The following MAN1C1 variants were observed in gnomAD, a reference collection of about 807,000 sequenced individuals.
The protein encoded by MAN1C1 is mannosyl-oligosaccharide 1,2-alpha-mannosidase IC.
Under a neutral mutation model 71.5 loss-of-function variants are expected in MAN1C1, and 49 were observed. That is an observed-to-expected ratio of 0.69 (90% CI 0.54 to 0.87). MAN1C1 has a LOEUF of 0.87. Ranked by LOEUF, MAN1C1 falls within the 40% of genes least tolerant of loss-of-function variation. The pLI, the probability that MAN1C1 is intolerant of heterozygous loss-of-function variation, is 0.00. For synonymous variants in MAN1C1, 352 were observed against 343.7 expected, an observed-to-expected ratio of 1.02 and a Z score of -0.27; for missense variants, 743 against 835.0, an observed-to-expected ratio of 0.89 and a Z score of 1.36.
chr1:25,661,901 G>A (rs1480921563), intron 1 of MAN1C1, among the ~76,000 whole-genome samples: 1 of 152,172 alleles, frequency 6.6e-6, no homozygotes, highest in East Asian at 1.9e-4. Context: ...GGTGCTATAA[G>A]CTCTATAAAC....
At chr1:25,648,481 T>C (rs1158548871) in intron 1 of MAN1C1, among the ~76,000 whole-genome samples, 1 of 152,030 alleles carries the variant, frequency 6.6e-6, no homozygotes, top group East Asian at 1.9e-4. Flanking sequence ...ACCTGATTCT[T>C]ATGTAGGGTG....
chr1:25,663,704 T>G (rs2124108935), intron 1 of MAN1C1, among the ~76,000 whole-genome samples: 1 of 152,270 alleles, frequency 6.6e-6, no homozygotes, highest in South Asian at 2.1e-4. Flanking sequence ...AAAAAGTGTC[T>G]GGGTTTGCCA....
At chr1:25,763,139 A>G (rs2047382270) in intron 6 of MAN1C1, among the ~76,000 whole-genome samples, 1 of 152,128 alleles carries the variant, frequency 6.6e-6, no homozygotes, top group African/African-American at 2.4e-5. Flanking sequence ...GTGGTGGTGC[A>G]TGCCTGTAGT....
At chr1:25,673,189 T>C (rs532715406) in intron 1 of MAN1C1, among the ~76,000 whole-genome samples, 23 of 152,294 alleles carry the variant, frequency 1.5e-4, no homozygotes, top group African/African-American at 5.3e-4. Flanking sequence ...TGTCTCCCGA[T>C]GCAGGGAAGA....
intron 1 of MAN1C1, among the ~76,000 whole-genome samples, chr1:25,679,950 AATATATAT>A (rs71576063): frequency 3.4e-5 from 4 of 117,262 alleles, no homozygotes; most frequent in Admixed American, 8.4e-5. Flanking sequence ...AAAAAAAAAA[AATATATAT>A]ATATATATAT....
chr1:25,746,855 C>A lies in MAN1C1; in HGVS notation c.753+72C>A. On this transcript the variant is annotated intron_variant, in intron 3 of 11. Coordinates refer to ENST00000374332, the MANE Select transcript of MAN1C1 (RefSeq NM_020379.4). The surrounding 1 kb of genome is among the most constrained non-coding windows in gnomAD (Gnocchi z 4.0). ...GGCCCAACAGCCAGCTTCACCCTGT[C>A]ATCTCTGAGACCCAGAGATGTTGAG... 2.0e-6 allele frequency: 2 copies of A among 1,020,706 alleles called. No homozygotes were observed. Among genetic ancestry groups the A allele is most frequent in the South Asian group, 1.5e-5 (1 of 65,960 alleles). The allele number at this position is 1,020,706 out of a possible 1,614,324, so 63.2% of individuals were successfully genotyped here. A position where few individuals can be genotyped will look rare whatever the true frequency, so the allele number is the denominator to read the frequency against.
chr1:25,759,242 T>A (rs1173793146), intron 6 of MAN1C1: 2 of 166,012 alleles, frequency 1.2e-5, no homozygotes, highest in Non-Finnish European at 2.7e-5. Context: ...CATGGGGAGC[T>A]TAGAACACCA....
intron 2 of MAN1C1, among the ~76,000 whole-genome samples, chr1:25,736,061 GTGTC>G (rs1233024848): frequency 6.6e-6 from 1 of 152,226 alleles, no homozygotes; most frequent in Non-Finnish European, 1.5e-5. Context: ...AAGGGTCTCT[GTGTC>G]TGCTGTTAGG....
At chr1:25,702,345 C>A (rs1215966501) in intron 2 of MAN1C1, among the ~76,000 whole-genome samples, 1 of 152,202 alleles carries the variant, frequency 6.6e-6, no homozygotes, top group East Asian at 1.9e-4. Context: ...TCGCCCAGAT[C>A]CAGATGTAAG....
intron 1 of MAN1C1, among the ~76,000 whole-genome samples, chr1:25,656,377 C>T (rs1192168311): frequency 1.3e-5 from 2 of 152,072 alleles, no homozygotes; most frequent in Non-Finnish European, 2.9e-5. Flanking sequence ...AAATTACAGG[C>T]ATCAGTCACT....
At chr1:25,777,838 A>G (rs1357314580) in intron 8 of MAN1C1, among the ~76,000 whole-genome samples, 1 of 152,114 alleles carries the variant, frequency 6.6e-6, no homozygotes, top group African/African-American at 2.4e-5. Flanking sequence ...AACGTTTTTT[A>G]AAACATGGAA....
rs754491802 is a variant in MAN1C1, at chr1:25,768,644, T to TC, written c.1142-3008dup. Among the ~76,000 whole-genome samples the TC allele has an allele frequency of 9.7e-4, 49 of 50,390 alleles. 4 individuals carry two copies. Among genetic ancestry groups the TC allele is most frequent in the Admixed American group, 1.7e-3 (6 of 3,496 alleles). 33.1% of individuals were successfully genotyped at this position (50,390 alleles called of 152,430 possible). On this transcript the variant is annotated intron_variant, in intron 7 of 11. Coordinates refer to ENST00000374332, the MANE Select transcript of MAN1C1 (RefSeq NM_020379.4). ...TCCCCTCACACACACAATTACACAC[T>TC]CCCCCACACACACAGACCCACACAC...
chr1:25,763,093 C>T (rs2047381782), intron 6 of MAN1C1, among the ~76,000 whole-genome samples: 1 of 152,110 alleles, frequency 6.6e-6, no homozygotes. Context: ...CATGGCGAAA[C>T]CCCATCTCTA....
At chr1:25,635,438 C>CTTT (rs747915977) in intron 1 of MAN1C1, among the ~76,000 whole-genome samples, 2 of 131,504 alleles carry the variant, frequency 1.5e-5, no homozygotes, top group Non-Finnish European at 3.3e-5. Context: ...TTCTTTCTTT[C>CTTT]TTTTTTTTTT....
chr1:25,660,115 T>C (rs1351982978), intron 1 of MAN1C1, among the ~76,000 whole-genome samples: 1 of 152,180 alleles, frequency 6.6e-6, no homozygotes. Flanking sequence ...TAAGTGTTTA[T>C]ATATGGCCCA....
intron 2 of MAN1C1, among the ~76,000 whole-genome samples, chr1:25,699,240 C>T (rs1415043435): frequency 4.0e-5 from 6 of 149,956 alleles, no homozygotes; most frequent in Admixed American, 6.7e-5. Context: ...GTCGAGATTG[C>T]GGTGAGCTGA....
In MAN1C1 at chr1:25,651,456, AT is replaced by A. The variant is rs2045691552; in HGVS notation, c.540+33121del. 4.6e-5 allele frequency among the ~76,000 whole-genome samples: 7 copies of A among 152,296 alleles called. No individual in the cohort carries two copies. In the South Asian group the frequency reaches 1.4e-3, roughly 32 times the overall value. On this transcript the variant is annotated intron_variant, in intron 1 of 11. Transcript: ENST00000374332. The stretch of plus-strand genomic sequence containing the variant: ...ATGAGTGGGATGGACTCCTGTTTCC[AT>A]TCTGCCCTGGTCATGTGTGACAGGC...
chr1:25,666,563 CCTT>C (rs1327203458), intron 1 of MAN1C1, among the ~76,000 whole-genome samples: 2 of 152,158 alleles, frequency 1.3e-5, no homozygotes, highest in Non-Finnish European at 2.9e-5. Context: ...AAGCCATCCT[CCTT>C]AGAAAAGGCA....
intron 1 of MAN1C1, among the ~76,000 whole-genome samples, chr1:25,620,346 T>C (rs2045188341): frequency 2.0e-5 from 3 of 152,196 alleles, no homozygotes; most frequent in Admixed American, 2.0e-4. Flanking sequence ...CCTCTCTTAC[T>C]AATCTTGAAG....
Sources: allele counts gnomAD v4.1 joint callset (sites outside exome capture counted in the v4.1 genomes callset), GRCh38; gene constraint gnomAD v4.1.1; non-coding constraint Gnocchi (gnomAD v3.1); transcripts MANE v1.5; gene names NCBI Gene and HGNC (gene_info 2026-07-23, HGNC 2026-07-21).